Variants in NSD2 observed in about 807,000 individuals in gnomAD.
NSD2 encodes nuclear receptor binding SET domain protein 2.
Under a neutral mutation model 139.0 loss-of-function variants are expected in NSD2, and 12 were observed. That is an observed-to-expected ratio of 0.09 (90% CI 0.06 to 0.14). NSD2 has a LOEUF of 0.14. NSD2 is among the 10% of genes least tolerant of loss of function. The pLI, the probability that NSD2 is intolerant of heterozygous loss-of-function variation, is 1.00. For synonymous variants in NSD2, 669 were observed against 648.7 expected (o/e 1.03, Z -0.48); for missense variants, 1,155 against 1,745.0 (o/e 0.66, Z 6.02).
chr4:1,970,816 C>T (rs1726388712), intron 18 of NSD2, among the ~76,000 whole-genome samples: 1 of 152,150 alleles, frequency 6.6e-6, no homozygotes, highest in Admixed American at 6.5e-5. Context: ...TGACGGGTCA[C>T]ATAAAGGGCC....
chr4:1,872,591 T>TGTGAGAGAGA (rs1281608141), intron 1 of NSD2, among the ~76,000 whole-genome samples: 607 of 44,764 alleles, frequency 0.014, 4 homozygotes, highest in African/African-American at 0.016. Flanking sequence ...TGTGTGTGTG[T>TGTGAGAGAGA]GAGAGAGAGA....
intron 1 of NSD2, among the ~76,000 whole-genome samples, chr4:1,885,101 ACT>A (rs909573760): frequency 2.0e-5 from 3 of 150,658 alleles, no homozygotes; most frequent in Non-Finnish European, 2.9e-5. Flanking sequence ...CAAGAGCAAA[ACT>A]CTGTTTCAAA....
At chr4:1,906,483 G>A (rs1014170623) in intron 3 of NSD2, among the ~76,000 whole-genome samples, 1 of 151,632 alleles carries the variant, frequency 6.6e-6, no homozygotes, top group South Asian at 2.1e-4. Flanking sequence ...CCAGTGATCC[G>A]CTTGCCTCGG....
At chr4:1,936,667 C>CAAAAAAAA (rs879590049) in intron 7 of NSD2, among the ~76,000 whole-genome samples, 1 of 52,492 alleles carries the variant, frequency 1.9e-5, no homozygotes, top group Non-Finnish European at 4.5e-5. Context: ...GACTCCATCT[C>CAAAAAAAA]AAAAAAAAAA....
intron 9 of NSD2, chr4:1,940,072 G>T: frequency 7.8e-7 from 1 of 1,274,650 alleles, no homozygotes; most frequent in Non-Finnish European, 1.0e-6. Flanking sequence ...GAAGAATGTT[G>T]TGTTCTGTGT....
chr4:1,894,241 G>A (rs1045408575), intron 1 of NSD2, among the ~76,000 whole-genome samples: 3 of 152,180 alleles, frequency 2.0e-5, no homozygotes, highest in Admixed American at 2.0e-4. Flanking sequence ...ACAGGTGTGA[G>A]CCACCACGCC....
chr4:1,918,772 C>G lies in NSD2; in HGVS notation c.1410+149C>G, dbSNP rs992298038. 3 of 1,110,380 alleles carry G rather than the reference C, an allele frequency of 2.7e-6. No homozygotes were observed. The African/African-American group carries it at 4.7e-5, about 18-fold the overall frequency. The allele number at this position is 1,110,380 out of a possible 1,614,324, so 68.8% of individuals were successfully genotyped here. A position where few individuals can be genotyped will look rare whatever the true frequency, so the allele number is the denominator to read the frequency against. Reference sequence around the variant, plus strand: ...GATCTAATAAATAAGTATTAGGGAACAGCCATTCTGACCCTTGAGGGAAAA... The same window carrying G: ...GATCTAATAAATAAGTATTAGGGAAGAGCCATTCTGACCCTTGAGGGAAAA... On this transcript the variant is annotated intron_variant, in intron 5 of 21. Coordinates refer to ENST00000508803, the MANE Select transcript of NSD2 (RefSeq NM_001042424.3).
chr4:1,918,800 T>TA (rs1228218287), intron 5 of NSD2, 177 bp downstream of exon 5: 1 of 866,280 alleles, frequency 1.2e-6, no homozygotes, highest in Non-Finnish European at 1.7e-6. Flanking sequence ...AGGGAAAAGA[T>TA]ACTCGACTTG....
intron 5 of NSD2, among the ~76,000 whole-genome samples, chr4:1,922,107 A>G (rs1720220454): frequency 6.6e-6 from 1 of 152,222 alleles, no homozygotes; most frequent in South Asian, 2.1e-4. Context: ...AGATCACACT[A>G]CTGCACTGCA....
chr4:1,955,941 C>T lies in NSD2; in HGVS notation c.2676-42C>T. 2 of 1,611,926 alleles carry T rather than the reference C, an allele frequency of 1.2e-6. No homozygotes were observed. The highest frequency in any genetic ancestry group is 1.1e-5 in the South Asian group (1 of 90,922). On this transcript the variant is annotated intron_variant, in intron 14 of 21. Transcript: ENST00000508803. The surrounding 1 kb of genome is among the most constrained non-coding windows in gnomAD (Gnocchi z 4.7). ...AAAGTATTGAAATTATTATCGCTGT[C>T]TCTGAGGAGTCTGTGAATCCTGTTT...
At chr4:1,975,099 G>C in intron 19 of NSD2, 95 bp downstream of exon 19, 1 of 1,576,008 alleles carries the variant, frequency 6.3e-7, no homozygotes, top group Non-Finnish European at 8.6e-7. Flanking sequence ...AAAGGCTCTG[G>C]GGGAGGTGGG....
At chr4:1,943,564 G>A in intron 9 of NSD2, 1 of 1,050,532 alleles carries the variant, frequency 9.5e-7, no homozygotes, top group Non-Finnish European at 1.1e-6. Flanking sequence ...TGTGTGTGTG[G>A]CGCTTTAGGG....
Position 1,901,050 on chromosome 4 carries a change from C to T in NSD2, c.396C>T (p.Tyr132=). The part of the protein sequence containing the change: ...PEIKLKITKT[Y]MNGKPLFESS... ...TTAAGCTGAAAATCACCAAAACATA[C>T]ATGAATGGGAAGCCTCTCTTTGAAT... is the stretch of plus-strand genomic sequence containing the variant. Residue 132 remains tyrosine (Y), a synonymous_variant, in exon 2 of 22, where the codon TAC becomes TAT. Coordinates refer to ENST00000508803, the MANE Select transcript of NSD2 (RefSeq NM_001042424.3). 3 of 1,614,170 alleles carry T rather than the reference C, an allele frequency of 1.9e-6. No homozygotes were observed. The highest frequency in any genetic ancestry group is 2.5e-6 in the Non-Finnish European group (3 of 1,180,028).
Position 1,904,247 on chromosome 4 carries a change from C to A in NSD2, c.629C>A (p.Thr210Asn). The change falls in exon 3 of 22, where the codon ACT becomes AAT. Residue 210 changes from threonine to asparagine, a missense_variant. Physicochemically the swap from Thr to Asn is moderately conservative, Grantham distance 65 (BLOSUM62 0). Transcript: ENST00000508803. ...GCTAAGAAAGAGTCTTGTCCAAACA[C>A]TGGAAGAGACAAAGACCACCTGTTG... ...IPAKKESCPNTGRDKDHLLKY... is the reference protein window; with the variant it reads ...IPAKKESCPNNGRDKDHLLKY... The A allele has an allele frequency of 6.2e-7, 1 of 1,614,032 alleles. No individual in the cohort carries two copies. The highest frequency in any genetic ancestry group is 8.5e-7 in the Non-Finnish European group (1 of 1,179,960).
In NSD2 at chr4:1,961,097, C is replaced by T; in HGVS notation, c.3318C>T (p.Ile1106=). The part of the protein sequence containing the change: ...LIDEEECMAR[I]KHAHENDITH... ...ACGAGGAGGAGTGCATGGCGAGAATCAAGCACGCACACGAGAACGACATCA... is the reference window on the plus strand; with the variant it reads ...ACGAGGAGGAGTGCATGGCGAGAATTAAGCACGCACACGAGAACGACATCA... The change falls in exon 18 of 22, where the codon ATC becomes ATT. Residue 1106 remains isoleucine (I), a synonymous_variant. Coordinates refer to ENST00000508803, the MANE Select transcript of NSD2 (RefSeq NM_001042424.3). The T allele has an allele frequency of 6.2e-7, 1 of 1,613,678 alleles. No individual in the cohort carries two copies. Among genetic ancestry groups the T allele is most frequent in the Non-Finnish European group, 8.5e-7 (1 of 1,179,652 alleles).
In NSD2 at chr4:1,901,027, A is replaced by G; in HGVS notation, c.373A>G (p.Lys125Glu). Residue 125 changes from lysine (K) to glutamate (E), a missense_variant, in exon 2 of 22, where the codon AAG becomes GAG. Coordinates refer to ENST00000508803, the MANE Select transcript of NSD2 (RefSeq NM_001042424.3). ...TATCAAAAATGGCTCTCCAGAAATT[A>G]AGCTGAAAATCACCAAAACATACAT... is the stretch of plus-strand genomic sequence containing the variant. ...TPIKNGSPEI[K>E]LKITKTYMNG... 1 of 1,614,252 alleles carries G rather than the reference A, an allele frequency of 6.2e-7. No homozygotes were observed. Among genetic ancestry groups the G allele is most frequent in the Non-Finnish European group, 8.5e-7 (1 of 1,180,056 alleles).
At chr4:1,911,749 G>T (rs961015060) in intron 3 of NSD2, among the ~76,000 whole-genome samples, 11 of 152,104 alleles carry the variant, frequency 7.2e-5, no homozygotes, top group African/African-American at 2.7e-4. Flanking sequence ...AGTTCCTATG[G>T]ATTAAAGAAA....
At chr4:1,940,097 A>G (rs1344073480) in intron 9 of NSD2, 1 of 1,191,080 alleles carries the variant, frequency 8.4e-7, no homozygotes, top group East Asian at 3.6e-5. Flanking sequence ...CTCACACTGT[A>G]AGAGTTCACA....
intron 1 of NSD2, among the ~76,000 whole-genome samples, chr4:1,877,835 C>T (rs1714374041): frequency 6.6e-6 from 1 of 152,046 alleles, no homozygotes; most frequent in Non-Finnish European, 1.5e-5. Flanking sequence ...TGTGCTTCTC[C>T]CTCTCGGGCA....
Sources: allele counts gnomAD v4.1 joint callset (sites outside exome capture counted in the v4.1 genomes callset), GRCh38; gene constraint gnomAD v4.1.1; non-coding constraint Gnocchi (gnomAD v3.1); transcripts MANE v1.5; gene names NCBI Gene and HGNC (gene_info 2026-07-23, HGNC 2026-07-21).